SYTL5: variants seen among roughly 807,000 people sequenced by gnomAD.
SYTL5 encodes the protein synaptotagmin like 5, also known as synaptotagmin-like protein 5.
SYTL5 carries 34 observed loss-of-function variants against 55.9 expected under a neutral mutation model. The observed-to-expected ratio is 0.61, with a 90% confidence interval of 0.46 to 0.81. The LOEUF (loss-of-function observed/expected upper bound fraction) is 0.81. Ranked by LOEUF, SYTL5 falls within the 30% of genes least tolerant of loss-of-function variation. SYTL5 has a pLI of 0.00. For missense variants in SYTL5, 637 were observed against 546.7 expected (o/e 1.17, Z -1.65); for synonymous variants, 221 against 188.7 (o/e 1.17, Z -1.40).
intron 2 of SYTL5, among the ~76,000 whole-genome samples, chrX:38,043,728 G>C (rs1244654467): frequency 2.3e-5 from 2 of 87,912 alleles, no homozygotes; most frequent in African/African-American, 8.6e-5. Context: ...GCTGGAAATT[G>C]CATGAAATTT....
At chrX:37,998,772 A>G in the SYTL5 span, among the ~76,000 whole-genome samples, 1 of 111,533 alleles carries the variant, frequency 9.0e-6, no homozygotes, top group Non-Finnish European at 1.9e-5. Context: ...GACACCCTAA[A>G]GATCTCATAA....
the SYTL5 span, among the ~76,000 whole-genome samples, chrX:37,889,259 T>C: frequency 8.9e-6 from 1 of 112,208 alleles, no homozygotes; most frequent in Non-Finnish European, 1.9e-5. Context: ...GAGATATCAT[T>C]AGGCTCTATG....
intron 1 of SYTL5, among the ~76,000 whole-genome samples, chrX:38,010,525 CT>C (rs1173931761): frequency 8.9e-6 from 1 of 112,258 alleles, no homozygotes; most frequent in Non-Finnish European, 1.9e-5. Flanking sequence ...GACACATTTT[CT>C]TTTTGTTAAA....
At chrX:37,960,798 A>ATTTT in the SYTL5 span, among the ~76,000 whole-genome samples, 1 of 87,723 alleles carries the variant, frequency 1.1e-5, no homozygotes, top group African/African-American at 4.3e-5. Flanking sequence ...TTATTTATTT[A>ATTTT]TTTATTTATT....
At chrX:37,960,688 C>T in the SYTL5 span, among the ~76,000 whole-genome samples, 183 of 110,956 alleles carry the variant, frequency 1.6e-3, no homozygotes, top group African/African-American at 5.5e-3. Context: ...TTTTCTGAGC[C>T]CTCACCAGAG....
the SYTL5 span, among the ~76,000 whole-genome samples, chrX:37,988,317 A>G: frequency 8.9e-6 from 1 of 111,776 alleles, no homozygotes; most frequent in Admixed American, 9.5e-5. Flanking sequence ...GGAGTATGGC[A>G]ATGTTGACAC....
At chrX:37,900,633 A>G in the SYTL5 span, among the ~76,000 whole-genome samples, 142 of 112,153 alleles carry the variant, frequency 1.3e-3, no homozygotes, top group Non-Finnish European at 2.1e-3. Context: ...TCTAATTTGC[A>G]TCTCCTTTTA....
intron 6 of SYTL5, among the ~76,000 whole-genome samples, chrX:38,078,020 A>G (rs1936432622): frequency 9.0e-6 from 1 of 111,463 alleles, no homozygotes; most frequent in South Asian, 3.8e-4. Context: ...GTGACTGAGC[A>G]AGACCTTGTC....
At chrX:38,082,110 T>C (rs1422163166) in intron 6 of SYTL5, among the ~76,000 whole-genome samples, 1 of 111,979 alleles carries the variant, frequency 8.9e-6, no homozygotes. Context: ...ATGTCAATAA[T>C]GTGAGAAGGT....
rs1468533049 is a variant in SYTL5 at position 38,054,764 on chromosome X, T to A, written c.329+342T>A. Among the ~76,000 whole-genome samples, 3 of 111,232 alleles carry A rather than the reference T, an allele frequency of 2.7e-5. No individual in the cohort carries two copies. In the Admixed American group the frequency reaches 2.9e-4, roughly 11 times the overall value. On this transcript the variant is annotated intron_variant, in intron 3 of 16. Coordinates refer to ENST00000297875, the MANE Select transcript of SYTL5 (RefSeq NM_138780.3). ...TATTATTTTAGGGACAGGGTCTCACTCTCACCCTGGCTGGAGTGTAGTGGC... is the reference window on the plus strand; with the variant it reads ...TATTATTTTAGGGACAGGGTCTCACACTCACCCTGGCTGGAGTGTAGTGGC...
At chrX:38,038,524 T>A (rs1935184308) in intron 2 of SYTL5, among the ~76,000 whole-genome samples, 1 of 112,345 alleles carries the variant, frequency 8.9e-6, no homozygotes, top group African/African-American at 3.2e-5. Context: ...GTTTTCATCA[T>A]GCTATAGAGG....
At chrX:38,091,720 A>G (rs1936803285) in intron 7 of SYTL5, among the ~76,000 whole-genome samples, 1 of 111,907 alleles carries the variant, frequency 8.9e-6, no homozygotes, top group African/African-American at 3.2e-5. Flanking sequence ...CAATCAGTCC[A>G]ATGACCAATA....
At chrX:38,032,458 A>G (rs5963375) in intron 1 of SYTL5, among the ~76,000 whole-genome samples, 32,808 of 110,454 alleles carry the variant, frequency 0.3, 6,979 homozygotes, top group African/African-American at 0.75. Flanking sequence ...TACATACCTA[A>G]AATAATTCAC....
chrX:38,101,683 A>G (rs188044672), intron 9 of SYTL5, among the ~76,000 whole-genome samples: 1,425 of 103,849 alleles, frequency 0.014, 21 homozygotes, highest in African/African-American at 0.055. Context: ...GTGTGTGTGT[A>G]TATATATATG....
the SYTL5 span, among the ~76,000 whole-genome samples, chrX:37,976,769 C>T: frequency 1.0e-5 from 1 of 96,554 alleles, no homozygotes; most frequent in Non-Finnish European, 2.0e-5. Flanking sequence ...GCCTTGCCAA[C>T]ATGGTGAGGC....
intron 1 of SYTL5, among the ~76,000 whole-genome samples, chrX:38,008,183 C>T (rs935058430): frequency 8.9e-6 from 1 of 111,807 alleles, no homozygotes; most frequent in Non-Finnish European, 1.9e-5. Context: ...TGCCATCCTG[C>T]GTAAGCACTT....
chrX:38,043,915 T>C (rs1371599107), intron 2 of SYTL5, among the ~76,000 whole-genome samples: 1 of 108,951 alleles, frequency 9.2e-6, no homozygotes, highest in African/African-American at 3.3e-5. Context: ...AACTATTTAT[T>C]CTTATTTCCA....
chrX:38,026,441 G>C (rs997857109), intron 1 of SYTL5, among the ~76,000 whole-genome samples: 1 of 111,103 alleles, frequency 9.0e-6, no homozygotes. Flanking sequence ...GATCCCAAGA[G>C]TGGGTTCCTG....
At chrX:37,941,381 T>A in the SYTL5 span, among the ~76,000 whole-genome samples, 1 of 111,718 alleles carries the variant, frequency 9.0e-6, no homozygotes, top group Non-Finnish European at 1.9e-5. Context: ...GACGTTAACA[T>A]AATAATGATG....
Sources: allele counts gnomAD v4.1 joint callset (sites outside exome capture counted in the v4.1 genomes callset), GRCh38; gene constraint gnomAD v4.1.1; transcripts MANE v1.5; gene names NCBI Gene and HGNC (gene_info 2026-07-23, HGNC 2026-07-21).